ZFPM2: variants seen among roughly 807,000 people sequenced by gnomAD.
ZFPM2 encodes the protein zinc finger protein, FOG family member 2.
In ZFPM2, 20 loss-of-function variants were observed where a neutral mutation model predicts 98.6. That is an observed-to-expected ratio of 0.20 (90% CI 0.14 to 0.29). The LOEUF is 0.29. Ranked by LOEUF, ZFPM2 falls within the 10% of genes least tolerant of loss-of-function variation. The pLI, the probability that ZFPM2 is intolerant of heterozygous loss-of-function variation, is 1.00. For synonymous variants in ZFPM2, 518 were observed against 502.7 expected (o/e 1.03, Z -0.41); for missense variants, 1,310 against 1,388.6 (o/e 0.94, Z 0.90).
intron 3 of ZFPM2, among the ~76,000 whole-genome samples, chr8:105,503,860 T>G (rs1380625683): frequency 1.3e-5 from 2 of 152,216 alleles, no homozygotes; most frequent in African/African-American, 2.4e-5. Context: ...TTTGAAATGA[T>G]TGAATGATGA....
intron 4 of ZFPM2, chr8:105,616,626 G>A (rs1222352690): frequency 5.9e-6 from 2 of 338,524 alleles, no homozygotes; most frequent in African/African-American, 2.2e-5. Flanking sequence ...TGATTTATAA[G>A]CGTTATTTAA....
Position 105,804,364 on chromosome 8 carries a change from T to A in ZFPM2, c.*826T>A, listed in dbSNP as rs916593732. 2 of 152,562 alleles carry A rather than the reference T, an allele frequency of 1.3e-5. No individual in the cohort carries two copies. Among genetic ancestry groups the A allele is most frequent in the African/African-American group, 4.8e-5 (2 of 41,438 alleles). 9.5% of individuals were successfully genotyped at this position (152,562 alleles called of 1,614,324 possible). A position where few individuals can be genotyped will look rare whatever the true frequency, so the allele number is the denominator to read the frequency against. On this transcript the variant is annotated 3_prime_UTR_variant, in exon 8 of 8. Coordinates refer to ENST00000407775, the MANE Select transcript of ZFPM2 (RefSeq NM_012082.4). ...CACAGTCTAAATCGAAACCCTAAAC[T>A]CAATGCTGCAAGTATGAATTTAATT...
intron 1 of ZFPM2, among the ~76,000 whole-genome samples, chr8:105,392,693 A>G (rs537942608): frequency 4.6e-5 from 7 of 152,314 alleles, no homozygotes; most frequent in African/African-American, 7.2e-5. Context: ...CTACTTTACT[A>G]TAATGTCACT....
chr8:105,389,578 A>C (rs775546235), intron 1 of ZFPM2, among the ~76,000 whole-genome samples: 7 of 152,222 alleles, frequency 4.6e-5, no homozygotes, highest in Non-Finnish European at 8.8e-5. Context: ...TACAATGAAG[A>C]GATTGGGAAC....
chr8:105,628,392 C>T (rs771377635), intron 4 of ZFPM2, among the ~76,000 whole-genome samples: 15 of 152,132 alleles, frequency 9.9e-5, no homozygotes, highest in South Asian at 4.1e-4. Context: ...CTCTAATTGA[C>T]GGGAACAGGA....
At chr8:105,435,321 A>G (rs1461847744) in intron 2 of ZFPM2, among the ~76,000 whole-genome samples, 2 of 152,188 alleles carry the variant, frequency 1.3e-5, no homozygotes, top group African/African-American at 2.4e-5. Flanking sequence ...CTTGACATTT[A>G]TTCCATTTCA....
At chr8:105,738,003 T>G (rs1812119692) in intron 5 of ZFPM2, among the ~76,000 whole-genome samples, 1 of 151,960 alleles carries the variant, frequency 6.6e-6, no homozygotes, top group African/African-American at 2.4e-5. Flanking sequence ...AGCAGCTAAG[T>G]TTTTTTGATA....
intron 4 of ZFPM2, among the ~76,000 whole-genome samples, chr8:105,621,258 G>A (rs1342124986): frequency 2.0e-5 from 3 of 152,070 alleles, no homozygotes. Flanking sequence ...TTGTAAGTTG[G>A]ATTCCTAGGT....
intron 6 of ZFPM2, chr8:105,795,831 C>T: frequency 4.2e-6 from 2 of 481,806 alleles, no homozygotes. Context: ...TGATTTTTAT[C>T]TAGCTCTATG....
chr8:105,377,147 G>A (rs531082686), intron 1 of ZFPM2, among the ~76,000 whole-genome samples: 5 of 152,070 alleles, frequency 3.3e-5, no homozygotes, highest in East Asian at 1.9e-4. Flanking sequence ...TTCTTATCAC[G>A]TAAGTCCCAT....
chr8:105,691,210 A>C (rs1271132160), intron 5 of ZFPM2, among the ~76,000 whole-genome samples: 1 of 146,150 alleles, frequency 6.8e-6, no homozygotes, highest in African/African-American at 2.5e-5. Flanking sequence ...GGTTGGCTCA[A>C]GCGCCCTGTT....
chr8:105,418,561 T>C (rs1240801076), intron 1 of ZFPM2: 1 of 515,744 alleles, frequency 1.9e-6, no homozygotes, highest in Admixed American at 2.0e-5. Context: ...CAGAAAAAAT[T>C]CAATTAATTA....
chr8:105,423,776 A>G (rs916643011), intron 2 of ZFPM2, among the ~76,000 whole-genome samples: 3 of 152,192 alleles, frequency 2.0e-5, no homozygotes, highest in Non-Finnish European at 4.4e-5. Flanking sequence ...TTATGTCACT[A>G]CTGGCAGGTG....
At chr8:105,792,726 C>T in intron 6 of ZFPM2, among the ~76,000 whole-genome samples, 1 of 152,140 alleles carries the variant, frequency 6.6e-6, no homozygotes, top group Non-Finnish European at 1.5e-5. Flanking sequence ...GTCTAAGTCT[C>T]TTTGTAGGTC....
At chr8:105,750,842 G>A (rs747724448) in intron 5 of ZFPM2, among the ~76,000 whole-genome samples, 6 of 151,932 alleles carry the variant, frequency 3.9e-5, no homozygotes, top group Non-Finnish European at 8.8e-5. Flanking sequence ...CCAGTTTGGC[G>A]GAAATATACA....
chr8:105,483,956 G>C (rs539411097), intron 3 of ZFPM2, among the ~76,000 whole-genome samples: 1 of 151,518 alleles, frequency 6.6e-6, no homozygotes, highest in South Asian at 2.1e-4. Context: ...GGATGGTCTC[G>C]ATCTCCTGAC....
intron 2 of ZFPM2, among the ~76,000 whole-genome samples, chr8:105,434,233 A>G (rs150777715): frequency 1.3e-3 from 198 of 151,996 alleles, no homozygotes; most frequent in African/African-American, 4.4e-3. Context: ...GAACAGCTGC[A>G]TGTTTTTATT....
chr8:105,564,773 G>A (rs369004510), intron 4 of ZFPM2, among the ~76,000 whole-genome samples: 8 of 152,094 alleles, frequency 5.3e-5, no homozygotes, highest in African/African-American at 1.4e-4. Context: ...TCTCTGGGAG[G>A]AAGTATGCAA....
At chr8:105,381,132 T>C (rs1297047944) in intron 1 of ZFPM2, among the ~76,000 whole-genome samples, 5 of 146,256 alleles carry the variant, frequency 3.4e-5, no homozygotes, top group Non-Finnish European at 4.5e-5. Context: ...TATGTCCATG[T>C]GTTTTCATTG....
Sources: gnomAD v4.1 joint callset for allele counts (sites outside exome capture counted in the v4.1 genomes callset) on GRCh38, gnomAD v4.1.1 for gene constraint, MANE v1.5 for transcripts, NCBI Gene and HGNC (gene_info 2026-07-23, HGNC 2026-07-21) for gene names.